SCUBE2: variants seen among roughly 807,000 people sequenced by gnomAD.
SCUBE2 encodes the protein signal peptide, CUB domain and EGF like domain containing 2.
SCUBE2 carries 114 observed loss-of-function variants against 125.9 expected under a neutral mutation model. The ratio of observed to expected loss-of-function variants is 0.91; its 90% CI spans 0.78 to 1.06. The LOEUF (loss-of-function observed/expected upper bound fraction) is 1.06, where lower values mean the gene tolerates loss of function less well. Ranked by LOEUF, SCUBE2 falls within the 50% of genes least tolerant of loss-of-function variation. The pLI is 0.00. For synonymous variants in SCUBE2, 459 were observed against 492.9 expected (o/e 0.93, Z 0.91); for missense variants, 1,255 against 1,301.8 (o/e 0.96, Z 0.55).
At chr11:9,028,539 G>A (rs1324878640) in intron 19 of SCUBE2, among the ~76,000 whole-genome samples, 3 of 152,172 alleles carry the variant, frequency 2.0e-5, no homozygotes, top group Non-Finnish European at 4.4e-5. Context: ...TCAGAAATGA[G>A]AAAGACACAG....
intron 3 of SCUBE2, among the ~76,000 whole-genome samples, chr11:9,077,640 TG>T (rs34517317): frequency 6.6e-6 from 1 of 152,206 alleles, no homozygotes; most frequent in Non-Finnish European, 1.5e-5. Context: ...ATCTGAATGT[TG>T]GGGAAGTGTC....
At chr11:9,090,099 C>T (rs1481432246) in intron 1 of SCUBE2, among the ~76,000 whole-genome samples, 1 of 152,196 alleles carries the variant, frequency 6.6e-6, no homozygotes, top group Non-Finnish European at 1.5e-5. Flanking sequence ...TGCCATGACC[C>T]CCATTGTAGC....
Position 9,033,685 on chromosome 11 carries a change from C to G in SCUBE2, c.2114G>C (p.Arg705Thr), listed in dbSNP as rs151145142. Residue 705 changes from arginine (R) to threonine (T), a missense_variant, in exon 17 of 23, where the codon AGA becomes ACA. Physicochemically the swap from Arg to Thr is moderately conservative, Grantham distance 71. Around this residue, in one of 3 missense-constraint regions of SCUBE2, gnomAD observed 515 missense variants for 515.7 expected, o/e 1.00. Coordinates refer to ENST00000649792, the MANE Select transcript of SCUBE2 (RefSeq NM_001367977.2). ...CTTCAGGGCCCCAGAATTTCCTGGT[C>G]TTGGGCATGGTTCACAAGTCATTTG... ...EGQMTCEPCP[R>T]PGNSGALKTP... is the part of the protein sequence containing the mutation. The G allele has an allele frequency of 1.4e-5, 22 of 1,614,136 alleles. No homozygotes were observed. In the Admixed American group the frequency reaches 3.7e-4, roughly 27 times the overall value.
chr11:9,037,553 G>C (rs1856843324), intron 16 of SCUBE2, among the ~76,000 whole-genome samples: 1 of 152,228 alleles, frequency 6.6e-6, no homozygotes, highest in Non-Finnish European at 1.5e-5. Flanking sequence ...GCTTTCTTAA[G>C]AATCACGCCT....
At chr11:9,054,922 C>A (rs1042403301) in intron 10 of SCUBE2, among the ~76,000 whole-genome samples, 15 of 150,570 alleles carry the variant, frequency 1.0e-4, no homozygotes, top group African/African-American at 3.4e-4. Flanking sequence ...TTAGTAGAGA[C>A]AGGGTTTCTC....
chr11:9,050,947 G>A (rs2135438220), intron 13 of SCUBE2, among the ~76,000 whole-genome samples: 1 of 152,286 alleles, frequency 6.6e-6, no homozygotes, highest in South Asian at 2.1e-4. Flanking sequence ...CAAATCCAGT[G>A]TTCAAATAAA....
chr11:9,043,295 C>T (rs1404136035), intron 16 of SCUBE2, among the ~76,000 whole-genome samples: 1 of 152,134 alleles, frequency 6.6e-6, no homozygotes, highest in African/African-American at 2.4e-5. Context: ...CATGCATACA[C>T]ACACATATAT....
At chr11:9,068,567 A>G (rs1385380158) in intron 5 of SCUBE2, among the ~76,000 whole-genome samples, 1 of 152,170 alleles carries the variant, frequency 6.6e-6, no homozygotes, top group Non-Finnish European at 1.5e-5. Context: ...TGTGGGAGCC[A>G]AAGTACAAGA....
At chr11:9,025,883 G>A (rs878957075) in intron 20 of SCUBE2, 29 bp from the exon 21 acceptor site, 2 of 1,607,630 alleles carry the variant, frequency 1.2e-6, no homozygotes, top group South Asian at 1.1e-5. Context: ...GAAGGGTGGG[G>A]TTCAAGACTC....
At chr11:9,081,671 AAC>A (rs1428821342) in intron 2 of SCUBE2, among the ~76,000 whole-genome samples, 283 of 129,926 alleles carry the variant, frequency 2.2e-3, no homozygotes, top group African/African-American at 8.1e-3. Context: ...CAAACAAACA[AAC>A]AAAAAAAAAA....
At chr11:9,056,475 C>A (rs1394023549) in intron 9 of SCUBE2, among the ~76,000 whole-genome samples, 1 of 152,122 alleles carries the variant, frequency 6.6e-6, no homozygotes, top group Non-Finnish European at 1.5e-5. Flanking sequence ...ATACTAATAT[C>A]CTCACTAATT....
At chr11:9,066,581 T>TG (rs919840124) in intron 6 of SCUBE2, 116 bp downstream of exon 6, 84 of 837,640 alleles carry the variant, frequency 1.0e-4, no homozygotes, top group Non-Finnish European at 8.5e-5. Flanking sequence ...CAGGGCCTGC[T>TG]GGGGGGGCAA....
At chr11:9,090,254 C>G (rs1384267621) in intron 1 of SCUBE2, 3 of 155,552 alleles carry the variant, frequency 1.9e-5, no homozygotes, top group Non-Finnish European at 4.3e-5. Context: ...AGCGCAGTAC[C>G]TGGCATGTGA....
chr11:9,048,579 G>A (rs1195156086), intron 14 of SCUBE2, among the ~76,000 whole-genome samples: 1 of 152,210 alleles, frequency 6.6e-6, no homozygotes, highest in Non-Finnish European at 1.5e-5. Flanking sequence ...TGAAAGGAAA[G>A]CTGGAACACC....
chr11:9,080,816 G>C (rs563401942), intron 2 of SCUBE2, among the ~76,000 whole-genome samples: 2 of 151,844 alleles, frequency 1.3e-5, no homozygotes, highest in African/African-American at 4.8e-5. Context: ...AGAAAATGAA[G>C]ACAAGCCACA....
At chr11:9,037,651 T>C (rs1481611256) in intron 16 of SCUBE2, among the ~76,000 whole-genome samples, 2 of 152,248 alleles carry the variant, frequency 1.3e-5, no homozygotes, top group Non-Finnish European at 2.9e-5. Context: ...GAGGTGCTGA[T>C]GCCCCAGGCA....
intron 3 of SCUBE2, 56 bp downstream of exon 3, chr11:9,079,328 G>C: frequency 7.5e-6 from 12 of 1,605,476 alleles, no homozygotes; most frequent in Non-Finnish European, 1.0e-5. Flanking sequence ...TTCACCAAGG[G>C]AAAGAAAGGG....
In SCUBE2 at chr11:9,052,712, GC is replaced by G. The variant is rs1429991552; in HGVS notation, c.1534+33del. On this transcript the variant is annotated intron_variant, in intron 13 of 22. Coordinates refer to ENST00000649792, the MANE Select transcript of SCUBE2 (RefSeq NM_001367977.2). The stretch of plus-strand genomic sequence containing the variant: ...GAATGAAGCCCCTTGAACACAGTGA[GC>G]CCCCAGAGAGAACACGCAGATTTGG... 1.3e-5 allele frequency: 19 copies of G among 1,453,556 alleles called. 1 individual carries two copies. The Admixed American group carries it at 3.7e-4, about 29-fold the overall frequency. The allele number at this position is 1,453,556 out of a possible 1,614,324, so 90.0% of individuals were successfully genotyped here.
chr11:9,039,475 A>G (rs1458636827), intron 16 of SCUBE2, among the ~76,000 whole-genome samples: 1 of 152,098 alleles, frequency 6.6e-6, no homozygotes, highest in African/African-American at 2.4e-5. Flanking sequence ...GCTTGAGAGG[A>G]TAAGAAGCTT....
Sources: allele counts gnomAD v4.1 joint callset (sites outside exome capture counted in the v4.1 genomes callset), GRCh38; gene constraint gnomAD v4.1.1; regional missense constraint gnomAD v4.1.1; transcripts MANE v1.5; gene names NCBI Gene and HGNC (gene_info 2026-07-23, HGNC 2026-07-21).